NRG1: variants seen among roughly 807,000 people sequenced by gnomAD.
NRG1 encodes neuregulin 1.
NRG1 carries 18 observed loss-of-function variants against 63.8 expected under a neutral mutation model. The ratio of observed to expected loss-of-function variants is 0.28; its 90% CI spans 0.19 to 0.42. NRG1 has a LOEUF of 0.42. Ranked by LOEUF, NRG1 falls within the 10% of genes least tolerant of loss-of-function variation. NRG1 has a pLI of 1.00. For synonymous variants in NRG1, 302 were observed against 301.3 expected (o/e 1.00, Z -0.02); for missense variants, 762 against 814.7 (o/e 0.94, Z 0.79).
intron 1 of NRG1, among the ~76,000 whole-genome samples, chr8:31,812,828 G>T (rs964590256): frequency 6.6e-6 from 1 of 152,148 alleles, no homozygotes; most frequent in African/African-American, 2.4e-5. Flanking sequence ...AGCAAAATTT[G>T]TCATTAAATT....
At chr8:32,616,719 T>C in intron 4 of NRG1, 116 bp from the exon 5 acceptor site, 4 of 768,438 alleles carry the variant, frequency 5.2e-6, no homozygotes, top group Non-Finnish European at 9.4e-6. Flanking sequence ...AGCTTCTCTG[T>C]TGCACGGTGT....
intron 5 of NRG1, among the ~76,000 whole-genome samples, chr8:32,682,612 G>C (rs78884667): frequency 3.3e-5 from 5 of 152,158 alleles, no homozygotes; most frequent in African/African-American, 1.2e-4. Flanking sequence ...GGAATATCTC[G>C]AACAGTTGTC....
chr8:32,690,253 G>A (rs1248911684), intron 5 of NRG1, among the ~76,000 whole-genome samples: 1 of 151,996 alleles, frequency 6.6e-6, no homozygotes, highest in African/African-American at 2.4e-5. Flanking sequence ...TTCCCCTTTT[G>A]AAGTAATTAT....
At chr8:32,143,627 A>G (rs1224699363) in intron 1 of NRG1, among the ~76,000 whole-genome samples, 1 of 152,218 alleles carries the variant, frequency 6.6e-6, no homozygotes, top group Non-Finnish European at 1.5e-5. Flanking sequence ...TGGGATCAAC[A>G]TAAGAACAGG....
intron 1 of NRG1, among the ~76,000 whole-genome samples, chr8:31,832,527 G>T (rs1825269390): frequency 6.6e-6 from 1 of 152,140 alleles, no homozygotes; most frequent in Admixed American, 6.5e-5. Context: ...CCAAAGTGCT[G>T]GGATTACAGG....
chr8:32,117,270 CTA>C (rs748323196), intron 1 of NRG1, among the ~76,000 whole-genome samples: 8 of 152,120 alleles, frequency 5.3e-5, no homozygotes, highest in Admixed American at 2.0e-4. Flanking sequence ...AGTTGTATGA[CTA>C]TTTCACGCAG....
intron 1 of NRG1, 48 bp downstream of exon 1, chr8:32,548,874 C>A (rs962237241): frequency 2.0e-6 from 3 of 1,512,820 alleles, no homozygotes; most frequent in African/African-American, 2.8e-5. Context: ...TCCTGCTCCT[C>A]CTACTCCTCC....
In NRG1 at chr8:32,073,568, A is replaced by C. The variant is rs530165741; in HGVS notation, c.37+434137A>C. The stretch of plus-strand genomic sequence containing the variant: ...TAAAGTTGAATTGAGTGTCTGAAAG[A>C]CAGATGATGTGTCTAATACCACCGT... On this transcript the variant is annotated intron_variant, in intron 1 of 10. Transcript: ENST00000519301. 8.5e-5 allele frequency among the ~76,000 whole-genome samples: 13 copies of C among 152,158 alleles called. 1 individual carries two copies. The highest frequency in any genetic ancestry group is 4.1e-4 in the South Asian group (2 of 4,826).
exon 1 of NRG1, chr8:32,548,737 G>A (rs868078016): frequency 1.3e-6 from 2 of 1,584,496 alleles, no homozygotes; most frequent in Non-Finnish European, 8.6e-7. Context: ...ATGTCCGAGC[G>A]CAAAGAAGGC....
At chr8:32,046,989 C>T (rs1821110316) in intron 1 of NRG1, among the ~76,000 whole-genome samples, 1 of 152,066 alleles carries the variant, frequency 6.6e-6, no homozygotes, top group Non-Finnish European at 1.5e-5. Flanking sequence ...ATCCTCTAAA[C>T]TCCATAGCAG....
intron 1 of NRG1, among the ~76,000 whole-genome samples, chr8:31,810,332 C>G (rs768376287): frequency 2.6e-5 from 4 of 152,086 alleles, no homozygotes. Flanking sequence ...AAATCAAGTT[C>G]CATCACTCCC....
chr8:32,174,694 C>G (rs1191084808), intron 1 of NRG1, among the ~76,000 whole-genome samples: 1 of 152,160 alleles, frequency 6.6e-6, no homozygotes, highest in Admixed American at 6.6e-5. Flanking sequence ...TCAGAGAATA[C>G]TATAAACATC....
chr8:32,762,549 C>T (rs567643500), intron 11 of NRG1, among the ~76,000 whole-genome samples: 66 of 152,280 alleles, frequency 4.3e-4, no homozygotes, highest in African/African-American at 1.5e-3. Context: ...TTCTCAGGCA[C>T]GTTCCCAGTT....
chr8:31,897,902 C>T (rs996088959), intron 1 of NRG1, among the ~76,000 whole-genome samples: 4 of 150,786 alleles, frequency 2.7e-5, no homozygotes, highest in African/African-American at 4.9e-5. Flanking sequence ...TGCCTGTAAT[C>T]TCAGCTACTT....
intron 5 of NRG1, among the ~76,000 whole-genome samples, chr8:32,725,632 T>C (rs578116806): frequency 4.6e-5 from 7 of 151,604 alleles, no homozygotes; most frequent in African/African-American, 1.5e-4. Context: ...CACGCCACCA[T>C]GCTTAGCTAA....
intron 1 of NRG1, among the ~76,000 whole-genome samples, chr8:31,931,748 G>A (rs944348066): frequency 1.3e-5 from 2 of 152,174 alleles, no homozygotes; most frequent in African/African-American, 4.8e-5. Flanking sequence ...AGGACATGTG[G>A]GCTCTCTTCC....
At chr8:32,470,355 AT>A (rs1015953317) in intron 1 of NRG1, among the ~76,000 whole-genome samples, 4 of 150,156 alleles carry the variant, frequency 2.7e-5, no homozygotes, top group Admixed American at 2.7e-4. Flanking sequence ...TAATTTATTT[AT>A]TTTTTTCTTT....
chr8:32,157,497 TA>T (rs896924132), intron 1 of NRG1, among the ~76,000 whole-genome samples: 3 of 150,460 alleles, frequency 2.0e-5, no homozygotes, highest in Non-Finnish European at 4.4e-5. Context: ...CTGTCTCTAC[TA>T]AAAATACAAA....
intron 1 of NRG1, among the ~76,000 whole-genome samples, chr8:32,017,074 G>T (rs1016736301): frequency 1.3e-5 from 2 of 152,154 alleles, no homozygotes; most frequent in African/African-American, 4.8e-5. Flanking sequence ...GAAAATGTTG[G>T]AATGGTTACT....
Sources: gnomAD v4.1 joint callset for allele counts (sites outside exome capture counted in the v4.1 genomes callset) on GRCh38, gnomAD v4.1.1 for gene constraint, MANE v1.5 for transcripts, NCBI Gene and HGNC (gene_info 2026-07-23, HGNC 2026-07-21) for gene names.